PGBD2: variants seen among roughly 807,000 people sequenced by gnomAD.
The protein encoded by PGBD2 is piggyBac transposable element-derived protein 2.
In PGBD2, 6 loss-of-function variants were observed where a neutral mutation model predicts 8.1. That is an observed-to-expected ratio of 0.74 (90% CI 0.40 to 1.46). PGBD2 has a LOEUF of 1.46. Ranked by LOEUF, PGBD2 falls within the 40% of genes most tolerant of loss-of-function variation. The pLI is 0.02. For missense variants in PGBD2, 802 were observed against 739.0 expected (o/e 1.09, Z -0.99); for synonymous variants, 318 against 272.2 (o/e 1.17, Z -1.66).
chr1:248,884,919 G>C, the PGBD2 span, among the ~76,000 whole-genome samples: 2 of 152,134 alleles, frequency 1.3e-5, no homozygotes, highest in African/African-American at 4.8e-5. Flanking sequence ...TTACCACAAT[G>C]AGTCTGTTTT....
intron 1 of PGBD2, among the ~76,000 whole-genome samples, chr1:248,909,162 T>A (rs977673324): frequency 5.9e-5 from 9 of 152,168 alleles, no homozygotes; most frequent in Admixed American, 5.9e-4. Context: ...GTTACCCATG[T>A]CCTCTTCCTC....
upstream of PGBD2, among the ~76,000 whole-genome samples, chr1:248,904,908 C>G (rs1260502857): frequency 6.6e-6 from 1 of 152,182 alleles, no homozygotes; most frequent in African/African-American, 2.4e-5. Context: ...ACTGAAATGA[C>G]AAGAGGGTTT....
the PGBD2 span, among the ~76,000 whole-genome samples, chr1:248,875,905 A>T: frequency 6.6e-6 from 1 of 152,012 alleles, no homozygotes; most frequent in East Asian, 1.9e-4. Flanking sequence ...ATATTTATCT[A>T]GTGGTGGTAA....
chr1:248,913,971 C>T, intron 2 of PGBD2, 92 bp downstream of exon 2: 1 of 1,058,056 alleles, frequency 9.5e-7, no homozygotes, highest in Admixed American at 1.7e-5. Context: ...AGCTCTTGGC[C>T]TCAGTATAAC....
intron 1 of PGBD2, among the ~76,000 whole-genome samples, chr1:248,907,162 A>C (rs999642980): frequency 6.6e-6 from 1 of 152,194 alleles, no homozygotes; most frequent in African/African-American, 2.4e-5. Flanking sequence ...GGAGGTCAGC[A>C]AAGAAACATG....
chr1:248,913,636 G>T (rs570836098), intron 1 of PGBD2, among the ~76,000 whole-genome samples, 180 bp from the exon 2 acceptor site: 50 of 152,266 alleles, frequency 3.3e-4, no homozygotes, highest in African/African-American at 1.1e-3. Flanking sequence ...ATGTATTTTG[G>T]TGTGAGTTGT....
At chr1:248,910,436 A>G (rs1345095289) in intron 1 of PGBD2, among the ~76,000 whole-genome samples, 1 of 152,190 alleles carries the variant, frequency 6.6e-6, no homozygotes, top group Non-Finnish European at 1.5e-5. Flanking sequence ...CTGTTTTCAC[A>G]GTGCAGTGAG....
chr1:248,917,143 A>G lies in PGBD2; in HGVS notation c.559A>G (p.Ile187Val). 6.2e-7 allele frequency: 1 copy of G among 1,614,112 alleles called. No individual in the cohort carries two copies. Among genetic ancestry groups the G allele is most frequent in the African/African-American group, 1.3e-5 (1 of 75,022 alleles). ...ATTGAAGTGTGTTTTGGGCATTTTG[A>G]TTTTAAGTGGGTACATCTCTTATCC... The part of the protein sequence containing the change: ...QELKCVLGIL[I>V]LSGYISYPRR... The change falls in exon 3 of 3, where the codon ATT becomes GTT. Residue 187 changes from isoleucine (I) to valine (V), a missense_variant. Physicochemically the swap from Ile to Val is conservative, Grantham distance 29. Transcript: ENST00000329291.
chr1:248,929,052 A>T, the PGBD2 span, among the ~76,000 whole-genome samples: 4 of 152,314 alleles, frequency 2.6e-5, no homozygotes, highest in East Asian at 3.9e-4. Context: ...TATTCATTAA[A>T]TTTTTTAAGT....
the PGBD2 span, among the ~76,000 whole-genome samples, chr1:248,875,134 A>G: frequency 6.6e-6 from 1 of 151,896 alleles, no homozygotes; most frequent in African/African-American, 2.4e-5. Context: ...CGTCTCTACT[A>G]AAAATACAAA....
At chr1:248,913,462 T>C (rs1222771969) in intron 1 of PGBD2, among the ~76,000 whole-genome samples, 1 of 152,226 alleles carries the variant, frequency 6.6e-6, no homozygotes, top group African/African-American at 2.4e-5. Flanking sequence ...GGTAGTCTTT[T>C]AGGTTTTTCT....
downstream of PGBD2, chr1:248,919,543 A>G (rs1662240838): frequency 6.0e-6 from 1 of 167,088 alleles, no homozygotes. Context: ...TAGTGCAGAA[A>G]ATAAACATGA....
the PGBD2 span, among the ~76,000 whole-genome samples, chr1:248,877,934 A>C: frequency 5.3e-5 from 8 of 152,246 alleles, no homozygotes; most frequent in Non-Finnish European, 8.8e-5. Flanking sequence ...TTTATGGAGA[A>C]TATTAATGCA....
upstream of PGBD2, among the ~76,000 whole-genome samples, chr1:248,904,526 A>T (rs1431889725): frequency 6.6e-6 from 1 of 152,230 alleles, no homozygotes; most frequent in Non-Finnish European, 1.5e-5. Flanking sequence ...TCATAAAGGT[A>T]TGGAAGAAAC....
At chr1:248,913,284 A>G (rs1452789764) in intron 1 of PGBD2, among the ~76,000 whole-genome samples, 2 of 152,092 alleles carry the variant, frequency 1.3e-5, no homozygotes, top group East Asian at 1.9e-4. Context: ...TGCACATAGT[A>G]TCTGCTGAGA....
At chr1:248,912,953 C>T (rs1014188532) in intron 1 of PGBD2, among the ~76,000 whole-genome samples, 3 of 152,080 alleles carry the variant, frequency 2.0e-5, no homozygotes, top group South Asian at 2.1e-4. Context: ...CAGGCATGTG[C>T]CACCACGCCT....
At chr1:248,887,930 T>A in the PGBD2 span, among the ~76,000 whole-genome samples, 1 of 152,100 alleles carries the variant, frequency 6.6e-6, no homozygotes, top group Non-Finnish European at 1.5e-5. Flanking sequence ...CCTTTTGGAG[T>A]CTCCAGTGTC....
At chr1:248,910,063 G>T (rs1267849429) in intron 1 of PGBD2, among the ~76,000 whole-genome samples, 1 of 152,234 alleles carries the variant, frequency 6.6e-6, no homozygotes, top group East Asian at 1.9e-4. Flanking sequence ...GTAAACTGCT[G>T]AGAGGTGAAG....
intron 2 of PGBD2, chr1:248,914,612 G>C (rs1662024173): frequency 7.8e-7 from 1 of 1,287,484 alleles, no homozygotes; most frequent in Admixed American, 2.3e-5. Flanking sequence ...TGTTGGGATG[G>C]AGGGTCCTCA....
Sources: gnomAD v4.1 joint callset for allele counts (sites outside exome capture counted in the v4.1 genomes callset) on GRCh38, gnomAD v4.1.1 for gene constraint, MANE v1.5 for transcripts, NCBI Gene and HGNC (gene_info 2026-07-23, HGNC 2026-07-21) for gene names.